The following RBM20 variants were observed in gnomAD, a reference collection of about 807,000 sequenced individuals.
The protein encoded by RBM20 is RNA-binding protein 20.
Under a neutral mutation model 110.1 loss-of-function variants are expected in RBM20, and 51 were observed. The observed-to-expected ratio is 0.46, with a 90% CI of 0.37 to 0.59. RBM20 has a LOEUF of 0.59. Among genes scored for constraint, RBM20 ranks in the 20% least tolerant of loss-of-function variants. The pLI is 0.00. For synonymous variants in RBM20, 589 were observed against 618.2 expected, an observed-to-expected ratio of 0.95 and a Z score of 0.70; for missense variants, 1,512 against 1,574.9, an observed-to-expected ratio of 0.96 and a Z score of 0.68.
At chr10:110,687,501 A>T (rs1862522442) in intron 1 of RBM20, among the ~76,000 whole-genome samples, 1 of 152,272 alleles carries the variant, frequency 6.6e-6, no homozygotes, top group Non-Finnish European at 1.5e-5. Context: ...TTTCATGGGA[A>T]AAAGTAAATC....
rs181033688 is a variant in RBM20, at chr10:110,826,847, C to A, written c.3451+3233C>A. On this transcript the variant is annotated intron_variant, in intron 12 of 13. Coordinates refer to ENST00000369519, the MANE Select transcript of RBM20 (RefSeq NM_001134363.3). ...ACCTCAGGTGATCCACCTGCCTCAG[C>A]CTCCCAAAGTGCTAGGATTACAGGT... Among the ~76,000 whole-genome samples, 868 of 152,256 alleles carry A rather than the reference C, an allele frequency of 5.7e-3. 11 individuals are homozygous for A. Among genetic ancestry groups the A allele is most frequent in the African/African-American group, 0.02 (825 of 41,536 alleles).
chr10:110,643,501 G>A (rs1349051906), upstream of RBM20, among the ~76,000 whole-genome samples: 1 of 152,262 alleles, frequency 6.6e-6, no homozygotes, highest in Non-Finnish European at 1.5e-5. Context: ...TTCAGAGGGC[G>A]TGACGGTGAC....
At chr10:110,748,347 G>A (rs747380602) in intron 1 of RBM20, among the ~76,000 whole-genome samples, 42 of 152,296 alleles carry the variant, frequency 2.8e-4, no homozygotes, top group Non-Finnish European at 3.5e-4. Flanking sequence ...TGAGCCCTGT[G>A]GGGAGGGCTC....
intron 1 of RBM20, among the ~76,000 whole-genome samples, chr10:110,746,483 A>T (rs1483518894): frequency 6.6e-6 from 1 of 152,246 alleles, no homozygotes; most frequent in Non-Finnish European, 1.5e-5. Context: ...AGGTTGCTCA[A>T]CTGGTAAGAC....
intron 1 of RBM20, among the ~76,000 whole-genome samples, chr10:110,677,252 A>G (rs762235568): frequency 2.6e-5 from 4 of 152,048 alleles, no homozygotes; most frequent in Non-Finnish European, 5.9e-5. Context: ...GAATATGTTA[A>G]CCTATAAATG....
chr10:110,648,546 C>A (rs977250786), intron 1 of RBM20, among the ~76,000 whole-genome samples: 4 of 152,202 alleles, frequency 2.6e-5, no homozygotes, highest in Non-Finnish European at 5.9e-5. Flanking sequence ...GAATTTCTAA[C>A]ATCTGTGCCA....
intron 13 of RBM20, among the ~76,000 whole-genome samples, chr10:110,833,679 T>G (rs1170689480): frequency 2.0e-5 from 3 of 152,232 alleles, no homozygotes; most frequent in African/African-American, 7.2e-5. Flanking sequence ...TGCACTGTGT[T>G]CTGAGCCTCT....
intron 1 of RBM20, among the ~76,000 whole-genome samples, chr10:110,666,406 G>A (rs950768055): frequency 1.3e-5 from 2 of 152,156 alleles, no homozygotes; most frequent in African/African-American, 4.8e-5. Context: ...ACTTTGGGAG[G>A]CTGAGGCAGG....
intron 7 of RBM20, among the ~76,000 whole-genome samples, chr10:110,806,668 T>C (rs1461501316): frequency 6.6e-6 from 1 of 152,202 alleles, no homozygotes; most frequent in Non-Finnish European, 1.5e-5. Context: ...AGATTAGTCA[T>C]CATTGTTGGC....
At chr10:110,730,000 T>A (rs892624670) in intron 1 of RBM20, among the ~76,000 whole-genome samples, 2 of 152,138 alleles carry the variant, frequency 1.3e-5, no homozygotes, top group African/African-American at 4.8e-5. Flanking sequence ...GTATTTTTAA[T>A]AGAGATGGGG....
In RBM20 at chr10:110,831,682, A is replaced by AAAAAAAAAAC. The variant is rs1554844422; in HGVS notation, c.3573+502_3573+511dup. Reference sequence around the variant, plus strand: ...TTGCTAGAATAAAAAAAAAAAAAAAAAAAAAAAAACACTGCTTTGTTCTTT... The same window carrying AAAAAAAAAAC: ...TTGCTAGAATAAAAAAAAAAAAAAAAAAAAAAAAACAAAAAAAAACACTGCTTTGTTCTTT... On this transcript the variant is annotated intron_variant, in intron 13 of 13. Coordinates refer to ENST00000369519, the MANE Select transcript of RBM20 (RefSeq NM_001134363.3). Among the ~76,000 whole-genome samples, 839 of 135,690 alleles carry AAAAAAAAAAC rather than the reference A, an allele frequency of 6.2e-3. 27 individuals are homozygous for AAAAAAAAAAC. The highest frequency in any genetic ancestry group is 7.9e-3 in the Non-Finnish European group (498 of 62,962). The allele number at this position is 135,690 out of a possible 152,430, so 89.0% of individuals were successfully genotyped here.
At chr10:110,704,426 G>T (rs1025485305) in intron 1 of RBM20, among the ~76,000 whole-genome samples, 1 of 152,160 alleles carries the variant, frequency 6.6e-6, no homozygotes, top group South Asian at 2.1e-4. Context: ...GCCTAAGAGT[G>T]CAATTGCTGG....
intron 1 of RBM20, among the ~76,000 whole-genome samples, chr10:110,699,647 G>A (rs1027292539): frequency 3.3e-5 from 5 of 152,004 alleles, no homozygotes; most frequent in South Asian, 2.1e-4. Context: ...GTTTCCTGTC[G>A]CTCTTTTTTC....
intron 1 of RBM20, among the ~76,000 whole-genome samples, chr10:110,738,221 CAGAG>C (rs573162969): frequency 2.9e-4 from 44 of 152,220 alleles, no homozygotes; most frequent in African/African-American, 7.7e-4. Context: ...TAAAGAAAAA[CAGAG>C]AGAGAGTTGG....
intron 1 of RBM20, among the ~76,000 whole-genome samples, chr10:110,647,113 GC>G (rs1270842920): frequency 1.3e-5 from 2 of 152,054 alleles, no homozygotes; most frequent in Non-Finnish European, 2.9e-5. Flanking sequence ...ATTAGTAATG[GC>G]TTTTATTTTA....
intron 12 of RBM20, among the ~76,000 whole-genome samples, chr10:110,825,088 G>A (rs890220577): frequency 4.6e-5 from 7 of 151,358 alleles, no homozygotes; most frequent in African/African-American, 1.7e-4. Context: ...CATCTCCCAA[G>A]ACAAAAACAT....
At position 110,781,448 on chromosome 10, in the gene RBM20, A is replaced by G. The variant is rs2135043435; in HGVS notation, c.839A>G (p.Lys280Arg). ...TGQDGQAAFSKDFYGPNSQGS... is the reference protein window; with the variant it reads ...TGQDGQAAFSRDFYGPNSQGS... ...CAGGATGGTCAAGCTGCCTTTTCCAAAGATTTTTACGGACCCAACTCCCAA... is the reference window on the plus strand; with the variant it reads ...CAGGATGGTCAAGCTGCCTTTTCCAGAGATTTTTACGGACCCAACTCCCAA... The change falls in exon 2 of 14, where the codon AAA becomes AGA. Residue 280 changes from lysine to arginine, a missense_variant. Lys to Arg is a conservative substitution (Grantham distance 26, BLOSUM62 2). Transcript: ENST00000369519. 2.6e-6 allele frequency: 4 copies of G among 1,551,612 alleles called. No homozygotes were observed. The highest frequency in any genetic ancestry group is 2.6e-6 in the Non-Finnish European group (3 of 1,147,002).
intron 9 of RBM20, among the ~76,000 whole-genome samples, chr10:110,814,294 A>T (rs1483930476): frequency 6.6e-6 from 1 of 152,234 alleles, no homozygotes; most frequent in Non-Finnish European, 1.5e-5. Flanking sequence ...ATGTTACAGC[A>T]GAGACTGAAG....
intron 1 of RBM20, among the ~76,000 whole-genome samples, chr10:110,652,919 A>T (rs1861972369): frequency 6.6e-6 from 1 of 152,008 alleles, no homozygotes; most frequent in Non-Finnish European, 1.5e-5. Context: ...CTGCTCACCC[A>T]CCCACACGGG....
Sources: allele counts gnomAD v4.1 joint callset (sites outside exome capture counted in the v4.1 genomes callset), GRCh38; gene constraint gnomAD v4.1.1; transcripts MANE v1.5; gene names NCBI Gene and HGNC (gene_info 2026-07-23, HGNC 2026-07-21).